Variants in TTPAL observed in about 807,000 individuals in gnomAD.
TTPAL encodes the protein alpha tocopherol transfer protein like, also known as alpha-tocopherol transfer protein-like.
In TTPAL, 21 loss-of-function variants were observed where a neutral mutation model predicts 28.7. The observed-to-expected ratio is 0.73, with a 90% CI of 0.52 to 1.06. The LOEUF is 1.06. Among genes scored for constraint, TTPAL ranks in the 50% least tolerant of loss-of-function variants. TTPAL has a pLI of 0.00. For missense variants in TTPAL, 345 were observed against 425.5 expected (o/e 0.81, Z 1.67); for synonymous variants, 169 against 171.9 (o/e 0.98, Z 0.13).
At chr20:44,486,492 C>A in intron 3 of TTPAL, 104 bp from the exon 4 acceptor site, 1 of 722,620 alleles carries the variant, frequency 1.4e-6, no homozygotes, top group South Asian at 1.7e-5. Context: ...CCATAAGGAT[C>A]AGATCAGACT....
At position 44,489,507 on chromosome 20, in the gene TTPAL, G is replaced by A. The variant is rs200770460; in HGVS notation, c.995G>A (p.Arg332Gln). 4.3e-6 allele frequency: 7 copies of A among 1,614,192 alleles called. No homozygotes were observed. Among genetic ancestry groups the A allele is most frequent in the East Asian group, 2.2e-5 (1 of 44,886 alleles). Reference sequence around the variant, plus strand: ...GATGCACAGTGTGACGACTCCTTGCGAGCTGTGAAGTCACAGCTGTACTCC... The same window carrying A: ...GATGCACAGTGTGACGACTCCTTGCAAGCTGTGAAGTCACAGCTGTACTCC... ...TSDAQCDDSLRAVKSQLYSCY is the reference protein window; with the variant it reads ...TSDAQCDDSLQAVKSQLYSCY The change falls in exon 5 of 5, where the codon CGA becomes CAA. Residue 332 changes from arginine to glutamine, a missense_variant. Transcript: ENST00000262605.
intron 1 of TTPAL, chr20:44,478,759 G>C (rs772392698): frequency 9.2e-5 from 14 of 152,144 alleles, no homozygotes; most frequent in Non-Finnish European, 1.6e-4. Flanking sequence ...TTTTTAATAT[G>C]TCAATTCATA....
At chr20:44,476,265 TGGGG>T (rs1300750307) in intron 1 of TTPAL, among the ~76,000 whole-genome samples, 1 of 151,740 alleles carries the variant, frequency 6.6e-6, no homozygotes, top group Non-Finnish European at 1.5e-5. Context: ...GGGCTCCAGG[TGGGG>T]GAGATCTTTG....
intron 2 of TTPAL, among the ~76,000 whole-genome samples, chr20:44,482,732 CAA>C (rs971994711): frequency 2.7e-4 from 41 of 151,246 alleles, no homozygotes; most frequent in African/African-American, 9.7e-4. Context: ...TTTTTTTTCC[CAA>C]AGAGAGGAAA....
chr20:44,479,424 T>C (rs1036005709), intron 1 of TTPAL, among the ~76,000 whole-genome samples: 4 of 145,556 alleles, frequency 2.7e-5, no homozygotes, highest in African/African-American at 1.0e-4. Flanking sequence ...TTTTTTTTTT[T>C]TTTTGAGAGT....
chr20:44,479,891 G>T, intron 1 of TTPAL, 94 bp from the exon 2 acceptor site: 1 of 1,072,796 alleles, frequency 9.3e-7, no homozygotes, highest in South Asian at 1.6e-5. Context: ...AGGTTACTCG[G>T]TTTTTACAGA....
Position 44,480,213 on chromosome 20 carries a change from C to G in TTPAL, c.214C>G (p.Leu72Val). 1.9e-6 allele frequency: 3 copies of G among 1,614,188 alleles called. No individual in the cohort carries two copies. Among genetic ancestry groups the G allele is most frequent in the Non-Finnish European group, 2.5e-6 (3 of 1,180,032 alleles). The stretch of plus-strand genomic sequence containing the variant: ...CATGGTGCGGAAGGAGTACCCCAAC[C>G]TGAGCACATCCCTCGACGATGCCTT... Reference protein sequence around the residue: ...RDMVRKEYPNLSTSLDDAFLL... With the variant: ...RDMVRKEYPNVSTSLDDAFLL... The change falls in exon 2 of 5, where the codon CTG (leucine) becomes GTG (valine). Residue 72 changes from leucine to valine, a missense_variant. By Grantham distance (32) the Leu-to-Val change is conservative. Coordinates refer to ENST00000262605, the MANE Select transcript of TTPAL (RefSeq NM_001039199.3). This position sits in a 1 kb window ranked among gnomAD's most constrained non-coding sequence, Gnocchi z 4.1.
Position 44,480,390 on chromosome 20 carries a change from A to C in TTPAL, c.391A>C (p.Thr131Pro). Residue 131 changes from threonine to proline, a missense_variant, in exon 2 of 5, where the codon ACC (threonine) becomes CCC (proline). Transcript: ENST00000262605. The surrounding 1 kb of genome is among the most constrained non-coding windows in gnomAD (Gnocchi z 4.1). ...LKDVLASGFL[T>P]VLPHTDPRGC... ...AGATGTCCTTGCTTCCGGGTTCCTC[A>C]CCGTGCTGCCCCACACTGACCCCAG... 6.2e-7 allele frequency: 1 copy of C among 1,613,792 alleles called. No individual in the cohort carries two copies.
chr20:44,490,876 G>GACCCGCCTGGCCAAGATGGTGAA lies in TTPAL; in HGVS notation c.*1340_*1362dup, dbSNP rs2064198583. On this transcript the variant is annotated 3_prime_UTR_variant, in exon 5 of 5. Coordinates refer to ENST00000262605, the MANE Select transcript of TTPAL (RefSeq NM_001039199.3). ...GCGGATCACAAGGTCAGGAGTTCGA[G>GACCCGCCTGGCCAAGATGGTGAA]ACCCGCCTGGCCAAGATGGTGAAAC... is the stretch of plus-strand genomic sequence containing the variant. 1 of 151,984 alleles carries GACCCGCCTGGCCAAGATGGTGAA rather than the reference G, an allele frequency of 6.6e-6. No homozygotes were observed. Among genetic ancestry groups the GACCCGCCTGGCCAAGATGGTGAA allele is most frequent in the African/African-American group, 2.4e-5 (1 of 41,300 alleles). 9.4% of individuals were successfully genotyped at this position (151,984 alleles called of 1,614,324 possible). A position where few individuals can be genotyped will look rare whatever the true frequency, so the allele number is the denominator to read the frequency against.
In TTPAL at chr20:44,480,154, A is replaced by G; in HGVS notation, c.155A>G (p.Glu52Gly). The change falls in exon 2 of 5, where the codon GAA becomes GGA. Residue 52 changes from glutamate (E) to glycine (G), a missense_variant. Coordinates refer to ENST00000262605, the MANE Select transcript of TTPAL (RefSeq NM_001039199.3). This position sits in a 1 kb window ranked among gnomAD's most constrained non-coding sequence, Gnocchi z 4.1. ...KAREELQEKPEWRLRDVQALR... is the reference protein window; with the variant it reads ...KAREELQEKPGWRLRDVQALR... The stretch of plus-strand genomic sequence containing the variant: ...CGGGAAGAGCTGCAGGAAAAGCCGG[A>G]ATGGAGACTTCGAGATGTGCAGGCC... 1 of 1,614,186 alleles carries G rather than the reference A, an allele frequency of 6.2e-7. No individual in the cohort carries two copies. The highest frequency in any genetic ancestry group is 8.5e-7 in the Non-Finnish European group (1 of 1,180,036).
intron 4 of TTPAL, among the ~76,000 whole-genome samples, chr20:44,487,796 T>C (rs1381740946): frequency 1.3e-5 from 2 of 151,876 alleles, no homozygotes; most frequent in Non-Finnish European, 2.9e-5. Context: ...TGAGACGGAG[T>C]CTCGCTCCGT....
At chr20:44,486,395 C>T (rs2064152168) in intron 3 of TTPAL, 1 of 465,882 alleles carries the variant, frequency 2.1e-6, no homozygotes, top group Non-Finnish European at 3.8e-6. Context: ...GTTTGCCTCT[C>T]TTCTAACCCA....
intron 2 of TTPAL, 22 bp from the exon 3 acceptor site, chr20:44,484,315 T>C: frequency 6.9e-7 from 1 of 1,457,536 alleles, no homozygotes; most frequent in Non-Finnish European, 9.3e-7. Context: ...TGTAACATAC[T>C]GTCAATCTCT....
At chr20:44,478,810 G>T (rs1221268599) in intron 1 of TTPAL, among the ~76,000 whole-genome samples, 37 of 152,116 alleles carry the variant, frequency 2.4e-4, no homozygotes, top group Non-Finnish European at 2.9e-5. Flanking sequence ...TGTTTGTTTT[G>T]AGAGGGAGTC....
chr20:44,482,549 G>A (rs567091253), intron 2 of TTPAL, among the ~76,000 whole-genome samples: 11 of 150,618 alleles, frequency 7.3e-5, no homozygotes, highest in Admixed American at 7.3e-4. Flanking sequence ...CTCCAGCCTG[G>A]GTGACAGGGC....
chr20:44,483,209 A>G (rs1293810120), intron 2 of TTPAL, among the ~76,000 whole-genome samples: 5 of 152,160 alleles, frequency 3.3e-5, no homozygotes, highest in African/African-American at 7.2e-5. Context: ...GCTGAAACAA[A>G]CAAAAAAACC....
intron 1 of TTPAL, among the ~76,000 whole-genome samples, chr20:44,479,743 TG>T (rs1271142840): frequency 6.6e-6 from 1 of 152,188 alleles, no homozygotes; most frequent in Admixed American, 6.5e-5. Context: ...AGGAAGGCCC[TG>T]GTGTTTATTA....
chr20:44,481,269 G>A (rs1414953131), intron 2 of TTPAL, among the ~76,000 whole-genome samples: 1 of 152,182 alleles, frequency 6.6e-6, no homozygotes, highest in Non-Finnish European at 1.5e-5. Flanking sequence ...CCCCTGCCAG[G>A]CGCAGCAGCT....
At chr20:44,483,249 G>A (rs1027998165) in intron 2 of TTPAL, among the ~76,000 whole-genome samples, 2 of 152,148 alleles carry the variant, frequency 1.3e-5, no homozygotes, top group Non-Finnish European at 2.9e-5. Context: ...AGGTCTAGCC[G>A]TATTTCCATT....
Sources: allele counts gnomAD v4.1 joint callset (sites outside exome capture counted in the v4.1 genomes callset), GRCh38; gene constraint gnomAD v4.1.1; non-coding constraint Gnocchi (gnomAD v3.1); transcripts MANE v1.5; gene names NCBI Gene and HGNC (gene_info 2026-07-23, HGNC 2026-07-21).